The following SLC9C1 variants were observed in gnomAD, a reference collection of about 807,000 sequenced individuals.
SLC9C1 encodes the protein sodium/hydrogen exchanger 10.
A neutral mutation model predicts 140.9 loss-of-function variants in SLC9C1; 97 were observed. The ratio of observed to expected loss-of-function variants is 0.69; its 90% CI spans 0.58 to 0.82. SLC9C1 has a LOEUF of 0.82. Among genes scored for constraint, SLC9C1 ranks in the 40% least tolerant of loss-of-function variants. The pLI, the probability that SLC9C1 is intolerant of heterozygous loss-of-function variation, is 0.00. For synonymous variants in SLC9C1, 440 were observed against 442.6 expected (o/e 0.99, Z 0.07); for missense variants, 1,340 against 1,389.3 (o/e 0.96, Z 0.56).
chr3:112,294,209 C>G lies in SLC9C1; in HGVS notation c.-204G>C, dbSNP rs1048632098. 2.0e-5 allele frequency: 3 copies of G among 152,260 alleles called. No individual in the cohort carries two copies. Among genetic ancestry groups the G allele is most frequent in the African/African-American group, 7.2e-5 (3 of 41,428 alleles). 9.4% of individuals were successfully genotyped at this position (152,260 alleles called of 1,614,324 possible). On this transcript the variant is annotated 5_prime_UTR_variant, in exon 1 of 29. Transcript: ENST00000305815. ...GCAACCTCACTGACAGTTACTTGCTCCAAACTCGCCCCTAGTCTGCACCGG... is the reference window on the plus strand; with the variant it reads ...GCAACCTCACTGACAGTTACTTGCTGCAAACTCGCCCCTAGTCTGCACCGG...
intron 17 of SLC9C1, 103 bp from the exon 18 acceptor site, chr3:112,202,502 C>A: frequency 8.5e-7 from 1 of 1,180,170 alleles, no homozygotes; most frequent in Non-Finnish European, 1.2e-6. Flanking sequence ...ATTAAGTGCC[C>A]TCAAAGGTAA....
chr3:112,238,872 G>A (rs1415888745), intron 12 of SLC9C1, among the ~76,000 whole-genome samples: 2 of 152,198 alleles, frequency 1.3e-5, no homozygotes, highest in African/African-American at 4.8e-5. Flanking sequence ...CCCCTACTGG[G>A]GGGTGCCTCC....
intron 10 of SLC9C1, among the ~76,000 whole-genome samples, chr3:112,249,819 T>A (rs2079398147): frequency 6.6e-6 from 1 of 152,194 alleles, no homozygotes; most frequent in Non-Finnish European, 1.5e-5. Context: ...TTTATTTGGA[T>A]AATCTCTTTT....
intron 21 of SLC9C1, among the ~76,000 whole-genome samples, chr3:112,181,786 G>GAA (rs546775627): frequency 7.1e-6 from 1 of 140,964 alleles, no homozygotes; most frequent in African/African-American, 2.6e-5. Context: ...GGAAAAGTTT[G>GAA]AAAAAAAAAA....
chr3:112,199,058 G>A (rs889977025), intron 20 of SLC9C1, among the ~76,000 whole-genome samples: 2 of 150,496 alleles, frequency 1.3e-5, no homozygotes, highest in African/African-American at 4.9e-5. Flanking sequence ...CTAGGATGAC[G>A]AATAGATTCA....
At chr3:112,261,455 G>A (rs891629681) in intron 10 of SLC9C1, among the ~76,000 whole-genome samples, 12 of 152,026 alleles carry the variant, frequency 7.9e-5, no homozygotes, top group Non-Finnish European at 1.2e-4. Context: ...CAATTACACA[G>A]ATGGGAATCT....
chr3:112,173,728 T>G (rs1351181079), intron 23 of SLC9C1, among the ~76,000 whole-genome samples: 4 of 152,238 alleles, frequency 2.6e-5, no homozygotes, highest in African/African-American at 9.6e-5. Flanking sequence ...TTGTGAATAG[T>G]GCTGCAAAGA....
intron 7 of SLC9C1, among the ~76,000 whole-genome samples, chr3:112,268,303 AT>A (rs1277834123): frequency 6.6e-6 from 1 of 152,172 alleles, no homozygotes; most frequent in African/African-American, 2.4e-5. Context: ...CCACTGATTA[AT>A]TCATTAGAAA....
chr3:112,239,751 A>G (rs577398901), intron 12 of SLC9C1, 89 bp downstream of exon 12: 1 of 1,243,914 alleles, frequency 8.0e-7, no homozygotes, highest in East Asian at 2.6e-5. Context: ...ACAAATATTA[A>G]AACTTGTGAA....
chr3:112,233,073 T>TA (rs60790024), intron 12 of SLC9C1, among the ~76,000 whole-genome samples: 3,709 of 136,254 alleles, frequency 0.027, 74 homozygotes, highest in African/African-American at 0.043. Context: ...ATATATTATA[T>TA]TTTTTTTTTT....
In SLC9C1 at chr3:112,150,802, A is replaced by G. The variant is rs1345254011; in HGVS notation, c.3524+1055T>C. The stretch of plus-strand genomic sequence containing the variant: ...TATATAAATACATATACATATATAT[A>G]TATATATAAATACATATACATATAT... On this transcript the variant is annotated intron_variant, in intron 28 of 28. Transcript: ENST00000305815. Among the ~76,000 whole-genome samples, 108 of 48,368 alleles carry G rather than the reference A, an allele frequency of 2.2e-3. 4 individuals are homozygous for G. The highest frequency in any genetic ancestry group is 8.2e-3 in the African/African-American group (99 of 12,108). The allele number at this position is 48,368 out of a possible 152,430, so 31.7% of individuals were successfully genotyped here.
intron 26 of SLC9C1, among the ~76,000 whole-genome samples, chr3:112,158,421 TA>T (rs1320347287): frequency 6.6e-6 from 1 of 152,016 alleles, no homozygotes; most frequent in Non-Finnish European, 1.5e-5. Flanking sequence ...TTTGGTTTGC[TA>T]GTATTTTGTT....
chr3:112,218,989 A>C (rs2078466849), intron 14 of SLC9C1, among the ~76,000 whole-genome samples: 1 of 152,184 alleles, frequency 6.6e-6, no homozygotes, highest in Admixed American at 6.5e-5. Flanking sequence ...AAATTATTTA[A>C]TTTCTCTTTG....
At chr3:112,272,829 G>C (rs7642496) in intron 6 of SLC9C1, among the ~76,000 whole-genome samples, 44,881 of 151,976 alleles carry the variant, frequency 0.3, 6,814 homozygotes, top group East Asian at 0.36. Context: ...ATGGTTAAAT[G>C]CTCAGGTCCT....
At chr3:112,260,422 G>A (rs2079739874) in intron 10 of SLC9C1, among the ~76,000 whole-genome samples, 1 of 151,672 alleles carries the variant, frequency 6.6e-6, no homozygotes, top group African/African-American at 2.4e-5. Context: ...GTCACCTTTG[G>A]GTCGTTTCTA....
intron 10 of SLC9C1, among the ~76,000 whole-genome samples, chr3:112,262,024 T>C (rs2079787168): frequency 1.3e-5 from 2 of 152,062 alleles, no homozygotes; most frequent in Admixed American, 6.6e-5. Context: ...CAGCAAACCA[T>C]TGATACTATT....
chr3:112,190,508 A>G (rs987712939), intron 20 of SLC9C1, among the ~76,000 whole-genome samples: 2 of 152,208 alleles, frequency 1.3e-5, no homozygotes, highest in South Asian at 4.1e-4. Flanking sequence ...TTAGTCTACC[A>G]TATTTAAGTC....
At chr3:112,284,979 A>ATTTTT (rs1486447389) in intron 2 of SLC9C1, among the ~76,000 whole-genome samples, 1 of 97,588 alleles carries the variant, frequency 1.0e-5, no homozygotes, top group Non-Finnish European at 2.1e-5. Context: ...AAAAAATACA[A>ATTTTT]TTTTTCTTTT....
intron 12 of SLC9C1, among the ~76,000 whole-genome samples, chr3:112,236,998 G>C (rs2079005223): frequency 1.3e-5 from 2 of 152,200 alleles, no homozygotes; most frequent in Non-Finnish European, 2.9e-5. Flanking sequence ...GTGCAGAGCT[G>C]AGCTCATTTC....
Sources: gnomAD v4.1 joint callset for allele counts (sites outside exome capture counted in the v4.1 genomes callset) on GRCh38, gnomAD v4.1.1 for gene constraint, MANE v1.5 for transcripts, NCBI Gene and HGNC (gene_info 2026-07-23, HGNC 2026-07-21) for gene names.